The following CALCRL variants were observed in gnomAD, a reference collection of about 807,000 sequenced individuals.
CALCRL encodes the protein calcitonin receptor like receptor.
CALCRL carries 27 observed loss-of-function variants against 60.4 expected under a neutral mutation model. The observed-to-expected ratio is 0.45, with a 90% confidence interval of 0.33 to 0.62. The LOEUF (loss-of-function observed/expected upper bound fraction) is 0.62. Among genes scored for constraint, CALCRL ranks in the 20% least tolerant of loss-of-function variants. The pLI is 0.03. For missense variants in CALCRL, 424 were observed against 540.7 expected (o/e 0.78, Z 2.14); for synonymous variants, 190 against 182.6 (o/e 1.04, Z -0.33).
intron 1 of CALCRL, among the ~76,000 whole-genome samples, chr2:187,390,806 C>G (rs1688406244): frequency 6.6e-6 from 1 of 152,016 alleles, no homozygotes; most frequent in Non-Finnish European, 1.5e-5. Context: ...TGTATGGCCC[C>G]TGGGTTTGTC....
At chr2:187,422,937 A>T (rs1559072894) in intron 1 of CALCRL, among the ~76,000 whole-genome samples, 1 of 152,058 alleles carries the variant, frequency 6.6e-6, no homozygotes, top group Non-Finnish European at 1.5e-5. Context: ...AGCTAGGAAG[A>T]TAGTCTACTA....
chr2:187,354,871 G>A (rs1315772204), intron 12 of CALCRL, among the ~76,000 whole-genome samples: 1 of 151,964 alleles, frequency 6.6e-6, no homozygotes, highest in Non-Finnish European at 1.5e-5. Flanking sequence ...GAACCTTACT[G>A]ATTTAGAAGT....
At chr2:187,362,026 A>G (rs1031619656) in intron 9 of CALCRL, among the ~76,000 whole-genome samples, 5 of 151,974 alleles carry the variant, frequency 3.3e-5, no homozygotes, top group Non-Finnish European at 7.4e-5. Context: ...CTTTTTATCT[A>G]AAGAGTTTTT....
intron 4 of CALCRL, among the ~76,000 whole-genome samples, chr2:187,385,244 A>G (rs1233977345): frequency 2.0e-5 from 3 of 152,134 alleles, no homozygotes; most frequent in African/African-American, 4.8e-5. Context: ...TATTTTCTCT[A>G]CTATGTACAA....
intron 1 of CALCRL, among the ~76,000 whole-genome samples, chr2:187,424,246 T>C (rs1690023184): frequency 1.3e-5 from 2 of 152,018 alleles, no homozygotes; most frequent in African/African-American, 4.8e-5. Flanking sequence ...GAGGGGTCTG[T>C]TTTTCCTTGG....
chr2:187,394,198 G>T (rs903838693), intron 1 of CALCRL, among the ~76,000 whole-genome samples: 2 of 152,038 alleles, frequency 1.3e-5, no homozygotes, highest in African/African-American at 4.8e-5. Context: ...GGACTAGAAA[G>T]TGGCCTCAAG....
intron 8 of CALCRL, among the ~76,000 whole-genome samples, chr2:187,378,414 C>G (rs1559050792): frequency 6.6e-6 from 1 of 152,100 alleles, no homozygotes; most frequent in African/African-American, 2.4e-5. Flanking sequence ...GACTCTTCCT[C>G]CTCAAAATGG....
intron 1 of CALCRL, among the ~76,000 whole-genome samples, chr2:187,444,751 G>A (rs1423269932): frequency 6.6e-6 from 1 of 151,322 alleles, no homozygotes; most frequent in South Asian, 2.1e-4. Flanking sequence ...CTTAAAAATT[G>A]AATACATTTC....
intron 8 of CALCRL, among the ~76,000 whole-genome samples, chr2:187,370,111 T>C (rs1687457849): frequency 6.6e-6 from 1 of 152,222 alleles, no homozygotes; most frequent in South Asian, 2.1e-4. Flanking sequence ...GTTTTTAAAT[T>C]ATTCCCATCT....
At chr2:187,365,982 G>T (rs1055162038) in intron 8 of CALCRL, among the ~76,000 whole-genome samples, 1 of 152,184 alleles carries the variant, frequency 6.6e-6, no homozygotes, top group Middle Eastern at 3.4e-3. Context: ...GGTGGCTCAC[G>T]CCTGTAATCC....
At chr2:187,375,242 G>A (rs577090838) in intron 8 of CALCRL, among the ~76,000 whole-genome samples, 2 of 139,434 alleles carry the variant, frequency 1.4e-5, no homozygotes, top group South Asian at 2.3e-4. Context: ...ACTGCAGTCC[G>A]CAGTCCGGCC....
chr2:187,363,626 C>T, intron 8 of CALCRL, 124 bp from the exon 9 acceptor site: 1 of 1,016,246 alleles, frequency 9.8e-7, no homozygotes, highest in Non-Finnish European at 1.3e-6. Flanking sequence ...ATTTTTTCTC[C>T]CTAAGATCCA....
chr2:187,411,541 A>G (rs1297712374), intron 1 of CALCRL, among the ~76,000 whole-genome samples: 2 of 152,168 alleles, frequency 1.3e-5, no homozygotes, highest in Non-Finnish European at 2.9e-5. Flanking sequence ...CTGAGAAAAA[A>G]AAATTATTTA....
At chr2:187,374,948 C>G (rs1687684751) in intron 8 of CALCRL, among the ~76,000 whole-genome samples, 1 of 152,112 alleles carries the variant, frequency 6.6e-6, no homozygotes, top group African/African-American at 2.4e-5. Flanking sequence ...GAATACATCC[C>G]ATGTCTTAAT....
intron 1 of CALCRL, among the ~76,000 whole-genome samples, chr2:187,435,953 C>A (rs1384583071): frequency 2.7e-5 from 4 of 150,774 alleles, no homozygotes; most frequent in Non-Finnish European, 4.4e-5. Flanking sequence ...TGGATTATTA[C>A]CAAGTTCCTA....
At chr2:187,435,608 A>G (rs115823976) in intron 1 of CALCRL, among the ~76,000 whole-genome samples, 2,773 of 152,300 alleles carry the variant, frequency 0.018, 35 homozygotes, top group Non-Finnish European at 0.03. Context: ...TATGCAGAGT[A>G]TAATTCCCTC....
intron 1 of CALCRL, among the ~76,000 whole-genome samples, chr2:187,421,542 C>G (rs1689871524): frequency 1.3e-5 from 2 of 152,106 alleles, no homozygotes; most frequent in South Asian, 4.1e-4. Context: ...ACTGGAATGC[C>G]TTTACTCTTG....
chr2:187,431,958 A>G (rs2105894415), intron 1 of CALCRL, among the ~76,000 whole-genome samples: 1 of 152,158 alleles, frequency 6.6e-6, no homozygotes, highest in South Asian at 2.1e-4. Context: ...ATACCAAGGA[A>G]TGTTCAGGAG....
In CALCRL at chr2:187,375,422, A is replaced by G. The variant is rs1352470614; in HGVS notation, c.500+3518T>C. 2.0e-5 allele frequency among the ~76,000 whole-genome samples: 3 copies of G among 152,248 alleles called. No individual in the cohort carries two copies. In the East Asian group the frequency reaches 5.8e-4, roughly 29 times the overall value. On this transcript the variant is annotated intron_variant, in intron 8 of 14. Transcript: ENST00000392370. ...AATTGTACTTTCAGTGAAAACTTCAAGTGGAAGTAAGGTAATTATTTGAAA... is the reference window on the plus strand; with the variant it reads ...AATTGTACTTTCAGTGAAAACTTCAGGTGGAAGTAAGGTAATTATTTGAAA...
Sources: gnomAD v4.1 joint callset for allele counts (sites outside exome capture counted in the v4.1 genomes callset) on GRCh38, gnomAD v4.1.1 for gene constraint, MANE v1.5 for transcripts, NCBI Gene and HGNC (gene_info 2026-07-23, HGNC 2026-07-21) for gene names.